Variants in EPS8 observed in about 807,000 individuals in gnomAD.
EPS8 encodes the protein EGFR pathway substrate 8, signaling adaptor.
In EPS8, 42 loss-of-function variants were observed where a neutral mutation model predicts 103.8. The observed-to-expected ratio is 0.40, with a 90% CI of 0.32 to 0.52. The LOEUF (loss-of-function observed/expected upper bound fraction) is 0.52, where lower values mean the gene tolerates loss of function less well. EPS8 is among the 20% of genes least tolerant of loss of function. The probability of loss-of-function intolerance (pLI) is 0.40; values close to 1 mark genes in which losing one functional copy is unlikely to be tolerated. For missense variants in EPS8, 969 were observed against 1,005.1 expected (o/e 0.96, Z 0.49); for synonymous variants, 344 against 344.6 (o/e 1.00, Z 0.02).
intron 1 of EPS8, among the ~76,000 whole-genome samples, chr12:15,732,299 T>C (rs1946725233): frequency 6.6e-6 from 1 of 152,208 alleles, no homozygotes; most frequent in Non-Finnish European, 1.5e-5. Flanking sequence ...TTTGAGCCCA[T>C]TAGTACAAAA....
rs1947233407 is a variant in EPS8 at position 15,778,967 on chromosome 12, C to A, written c.-22+10194G>T. On this transcript the variant is annotated intron_variant, in intron 1 of 20. Coordinates refer to ENST00000281172, the MANE Select transcript of EPS8 (RefSeq NM_004447.6). This position sits in a 1 kb window ranked among gnomAD's most constrained non-coding sequence, Gnocchi z 4.5. The stretch of plus-strand genomic sequence containing the variant: ...AACCAAGATTTTAAAATGTAACAGA[C>A]TTTTTCTTTCTTTCTTTCTTTCTTT... Among the ~76,000 whole-genome samples, 1 of 9,648 alleles carries A rather than the reference C, an allele frequency of 1.0e-4. No homozygotes were observed. Among genetic ancestry groups the A allele is most frequent in the Non-Finnish European group, 1.9e-4 (1 of 5,162 alleles). 6.3% of individuals were successfully genotyped at this position (9,648 alleles called of 152,430 possible). A position where few individuals can be genotyped will look rare whatever the true frequency, so the allele number is the denominator to read the frequency against.
At chr12:15,737,557 T>C (rs936001893) in intron 1 of EPS8, among the ~76,000 whole-genome samples, 1 of 152,150 alleles carries the variant, frequency 6.6e-6, no homozygotes, top group Non-Finnish European at 1.5e-5. Context: ...AATGACCCTA[T>C]GAGGGAAGTT....
chr12:15,720,078 A>T (rs1946578136), intron 1 of EPS8, among the ~76,000 whole-genome samples: 1 of 152,198 alleles, frequency 6.6e-6, no homozygotes, highest in South Asian at 2.1e-4. Context: ...CCAACTCCAT[A>T]CTTTAAGGCT....
At chr12:15,666,020 A>T in intron 7 of EPS8, 128 bp from the exon 8 acceptor site, 1 of 952,094 alleles carries the variant, frequency 1.1e-6, no homozygotes, top group Non-Finnish European at 1.6e-6. Flanking sequence ...AGGATTTCCT[A>T]AGCATTACAC....
chr12:15,755,346 T>C (rs1946975649), intron 1 of EPS8, among the ~76,000 whole-genome samples: 1 of 152,158 alleles, frequency 6.6e-6, no homozygotes, highest in Non-Finnish European at 1.5e-5. Flanking sequence ...TGAGATACTG[T>C]TGTTGGAGGA....
intron 17 of EPS8, among the ~76,000 whole-genome samples, chr12:15,637,682 A>C (rs577751723): frequency 6.6e-6 from 1 of 152,332 alleles, no homozygotes; most frequent in East Asian, 1.9e-4. Flanking sequence ...CAGGAATCTA[A>C]AATATTTTTG....
chr12:15,648,072 A>T (rs926126303), intron 14 of EPS8, among the ~76,000 whole-genome samples: 13 of 152,324 alleles, frequency 8.5e-5, no homozygotes, highest in African/African-American at 3.1e-4. Flanking sequence ...CTGACAGGAG[A>T]TGGAGCTCAG....
chr12:15,742,397 A>G (rs888938210), intron 1 of EPS8, among the ~76,000 whole-genome samples: 2 of 152,200 alleles, frequency 1.3e-5, no homozygotes, highest in African/African-American at 4.8e-5. Flanking sequence ...CTTTTTAATG[A>G]TTGCCATTCT....
At chr12:15,722,781 G>A (rs565068553) in intron 1 of EPS8, among the ~76,000 whole-genome samples, 2 of 152,188 alleles carry the variant, frequency 1.3e-5, no homozygotes, top group South Asian at 2.1e-4. Context: ...AGGGGCAAAC[G>A]GTTCCTTCTC....
In EPS8 at chr12:15,771,776, C is replaced by G. The variant is rs962052085; in HGVS notation, c.-22+17385G>C. Among the ~76,000 whole-genome samples the G allele has an allele frequency of 4.0e-5, 6 of 151,504 alleles. No individual in the cohort carries two copies. Among genetic ancestry groups the G allele is most frequent in the African/African-American group, 1.5e-4 (6 of 41,260 alleles). On this transcript the variant is annotated intron_variant, in intron 1 of 20. Coordinates refer to ENST00000281172, the MANE Select transcript of EPS8 (RefSeq NM_004447.6). The surrounding 1 kb of genome is among the most constrained non-coding windows in gnomAD (Gnocchi z 4.6). ...TCCTAGAACTGAACTATTTTTGTGG[C>G]TAACTCATTACAAAGAATTCTTTGT...
intron 8 of EPS8, chr12:15,665,132 G>C (rs1158623827): frequency 2.0e-5 from 3 of 151,954 alleles, no homozygotes; most frequent in Non-Finnish European, 4.4e-5. Flanking sequence ...AAAATGGAAA[G>C]AATGTTAAGT....
chr12:15,672,391 G>C (rs1426940395), intron 3 of EPS8: 1 of 397,144 alleles, frequency 2.5e-6, no homozygotes, highest in African/African-American at 2.1e-5. Context: ...CTCCATTTTT[G>C]CTTTTGCAGC....
Position 15,777,871 on chromosome 12 carries a change from T to C in EPS8, c.-22+11290A>G, listed in dbSNP as rs17415853. Among the ~76,000 whole-genome samples, 2,936 of 152,306 alleles carry C rather than the reference T, an allele frequency of 0.019. 34 individuals carry two copies. The highest frequency in any genetic ancestry group is 0.031 in the Non-Finnish European group (2,113 of 68,012). ...ATTTTCTTGACAAGACCATGGAAAG[T>C]AGCCAGTCTTAAGATAAAGCTGAAA... On this transcript the variant is annotated intron_variant, in intron 1 of 20. Transcript: ENST00000281172. The surrounding 1 kb of genome is among the most constrained non-coding windows in gnomAD (Gnocchi z 4.7).
chr12:15,645,938 A>G lies in EPS8; in HGVS notation c.1568+1189T>C, dbSNP rs189988276. 7.3e-3 allele frequency among the ~76,000 whole-genome samples: 1,112 copies of G among 152,316 alleles called. 5 individuals are homozygous for G. The highest frequency in any genetic ancestry group is 0.017 in the Middle Eastern group (5 of 294). On this transcript the variant is annotated intron_variant, in intron 15 of 20. Coordinates refer to ENST00000281172, the MANE Select transcript of EPS8 (RefSeq NM_004447.6). ...TGAATTACTGGAGTGATAAAACAAA[A>G]AGAAACCTATTAATCTGAAATGATT...
rs376260735 is a variant in EPS8, at chr12:15,770,602, T to C, written c.-22+18559A>G. Among the ~76,000 whole-genome samples the C allele has an allele frequency of 5.2e-4, 79 of 152,288 alleles. 2 individuals carry two copies. The South Asian group carries it at 0.015, about 29-fold the overall frequency. ...GCTCAGTTTTTTGTGGAAAAAGTTA[T>C]AATACTTTAAAACAATGGTTTACTT... is the stretch of plus-strand genomic sequence containing the variant. On this transcript the variant is annotated intron_variant, in intron 1 of 20. Coordinates refer to ENST00000281172, the MANE Select transcript of EPS8 (RefSeq NM_004447.6).
rs530360783 is a variant in EPS8, at chr12:15,771,890, C to T, written c.-22+17271G>A. ...CTGTAATCACAGCACTTTGGGAGGC[C>T]GAGGTGGGTGGATCACGAGGTCAGG... On this transcript the variant is annotated intron_variant, in intron 1 of 20. Coordinates refer to ENST00000281172, the MANE Select transcript of EPS8 (RefSeq NM_004447.6). This position sits in a 1 kb window ranked among gnomAD's most constrained non-coding sequence, Gnocchi z 4.6. Among the ~76,000 whole-genome samples the T allele has an allele frequency of 2.6e-5, 4 of 151,958 alleles. No individual in the cohort carries two copies. Among genetic ancestry groups the T allele is most frequent in the Middle Eastern group, 6.8e-3 (2 of 294 alleles).
chr12:15,694,417 C>T (rs756554765), intron 1 of EPS8, among the ~76,000 whole-genome samples: 12 of 152,154 alleles, frequency 7.9e-5, no homozygotes, highest in Non-Finnish European at 1.5e-4. Context: ...AAAGCATGGA[C>T]GTGAGGCAAT....
chr12:15,679,312 T>C, intron 3 of EPS8, among the ~76,000 whole-genome samples: 1 of 152,184 alleles, frequency 6.6e-6, no homozygotes, highest in East Asian at 1.9e-4. Context: ...TTCCTTAGTA[T>C]AATTCTTCCC....
At chr12:15,768,081 T>TA (rs1317758344) in intron 1 of EPS8, among the ~76,000 whole-genome samples, 1 of 152,070 alleles carries the variant, frequency 6.6e-6, no homozygotes, top group Non-Finnish European at 1.5e-5. Flanking sequence ...ATCCAATTTT[T>TA]AAAAAAACTG....
Sources: gnomAD v4.1 joint callset for allele counts (sites outside exome capture counted in the v4.1 genomes callset) on GRCh38, gnomAD v4.1.1 for gene constraint, Gnocchi (gnomAD v3.1) non-coding constraint, MANE v1.5 for transcripts, NCBI Gene and HGNC (gene_info 2026-07-23, HGNC 2026-07-21) for gene names.